Variants in FGF13 observed in about 807,000 individuals in gnomAD.
The protein encoded by FGF13 is fibroblast growth factor 13, also known as fibroblast growth factor homologous factor 2.
In FGF13, 2 loss-of-function variants were observed where a neutral mutation model predicts 19.5. The observed-to-expected ratio is 0.10, with a 90% CI of 0.04 to 0.32. The LOEUF (loss-of-function observed/expected upper bound fraction) is 0.32. Among genes scored for constraint, FGF13 ranks in the 10% least tolerant of loss-of-function variants. FGF13 has a pLI of 1.00. For missense variants in FGF13, 113 were observed against 192.7 expected, an observed-to-expected ratio of 0.59 and a Z score of 2.45; for synonymous variants, 72 against 76.9, an observed-to-expected ratio of 0.94 and a Z score of 0.33.
At chrX:138,946,238 C>T (rs905691069) in intron 1 of FGF13, among the ~76,000 whole-genome samples, 1 of 111,530 alleles carries the variant, frequency 9.0e-6, no homozygotes, top group Non-Finnish European at 1.9e-5. Context: ...AATGGGGGCT[C>T]TTTGTTAGGA....
At chrX:139,175,010 G>A (rs1442672907) in intron 1 of FGF13, among the ~76,000 whole-genome samples, 5 of 111,886 alleles carry the variant, frequency 4.5e-5, no homozygotes, top group African/African-American at 1.6e-4. Context: ...TCATGATATT[G>A]TTTCTTCCTA....
intron 1 of FGF13, among the ~76,000 whole-genome samples, chrX:138,870,194 TC>T (rs1414004542): frequency 2.7e-5 from 3 of 112,094 alleles, no homozygotes; most frequent in Non-Finnish European, 5.6e-5. Flanking sequence ...AAAGGCAATG[TC>T]CTCCACATTG....
chrX:138,641,530 G>A (rs1005564977), intron 3 of FGF13, among the ~76,000 whole-genome samples: 4 of 112,188 alleles, frequency 3.6e-5, no homozygotes, highest in Non-Finnish European at 7.5e-5. Flanking sequence ...AAATTAATAT[G>A]CAGATTAAAA....
At chrX:138,860,673 T>C (rs2091283853) in intron 2 of FGF13, among the ~76,000 whole-genome samples, 1 of 111,922 alleles carries the variant, frequency 8.9e-6, no homozygotes, top group Non-Finnish European at 1.9e-5. Context: ...AGGTAGACAT[T>C]AGATTTATAC....
chrX:138,939,977 T>G (rs1366684342), intron 1 of FGF13, among the ~76,000 whole-genome samples: 1 of 112,072 alleles, frequency 8.9e-6, no homozygotes, highest in Non-Finnish European at 1.9e-5. Flanking sequence ...TGTTTTAAGT[T>G]CTTTGAGACA....
intron 1 of FGF13, among the ~76,000 whole-genome samples, chrX:138,709,868 C>T (rs2090025383): frequency 8.9e-6 from 1 of 111,954 alleles, no homozygotes; most frequent in Non-Finnish European, 1.9e-5. Context: ...AAACTTTGTG[C>T]AAACAGAAAA....
chrX:138,796,869 G>C (rs1367530050), intron 3 of FGF13, among the ~76,000 whole-genome samples: 4 of 111,942 alleles, frequency 3.6e-5, no homozygotes, highest in Admixed American at 9.4e-5. Flanking sequence ...TTTGAGAATT[G>C]TCTGTTCATT....
At chrX:138,884,093 T>A (rs192054848) in intron 1 of FGF13, among the ~76,000 whole-genome samples, 1 of 111,856 alleles carries the variant, frequency 8.9e-6, no homozygotes, top group East Asian at 2.8e-4. Context: ...CTCCATTTCC[T>A]AATTCACAGG....
chrX:139,121,652 C>T (rs1465849779), intron 1 of FGF13, among the ~76,000 whole-genome samples: 1 of 111,095 alleles, frequency 9.0e-6, no homozygotes, highest in Non-Finnish European at 1.9e-5. Flanking sequence ...CTTGGCCTAC[C>T]AAAGTGCTAG....
intron 1 of FGF13, among the ~76,000 whole-genome samples, chrX:139,023,094 T>G (rs932316287): frequency 2.7e-4 from 30 of 110,941 alleles, no homozygotes; most frequent in Non-Finnish European, 5.1e-4. Context: ...TATAATAACT[T>G]TGTAAACTCC....
chrX:138,764,861 C>T (rs1332105483), intron 3 of FGF13, among the ~76,000 whole-genome samples: 1 of 112,231 alleles, frequency 8.9e-6, no homozygotes, highest in East Asian at 2.8e-4. Flanking sequence ...TGCATATAAA[C>T]ATGCCTTCTT....
chrX:138,809,740 G>C (rs929736867), intron 3 of FGF13, among the ~76,000 whole-genome samples: 7 of 111,730 alleles, frequency 6.3e-5, no homozygotes, highest in South Asian at 7.5e-4. Context: ...GCAACTTCAG[G>C]AAAGTCTCAG....
Position 138,631,292 on chromosome X carries a change from G to GA in FGF13, c.*1557dup, listed in dbSNP as rs1265227516. 8.9e-6 allele frequency: 1 copy of GA among 112,269 alleles called. No individual in the cohort carries two copies. The highest frequency in any genetic ancestry group is 1.9e-5 in the Non-Finnish European group (1 of 53,295). The allele number at this position is 112,269 out of a possible 1,213,427, so 9.3% of individuals were successfully genotyped here. On this transcript the variant is annotated 3_prime_UTR_variant, in exon 5 of 5. Transcript: ENST00000315930. ...GGAGAGAAATAAGCAACAGAGAGGG[G>GA]AAATGACACTGTGAGTGGCAGAGAA... is the stretch of plus-strand genomic sequence containing the variant.
Position 139,036,270 on chromosome X carries a change from G to C in FGF13, c.-113+167146C>G, listed in dbSNP as rs758518883. 4.5e-5 allele frequency among the ~76,000 whole-genome samples: 5 copies of C among 111,256 alleles called. No homozygotes were observed. In the South Asian group the frequency reaches 1.9e-3, roughly 42 times the overall value. Reference sequence around the variant, plus strand: ...GCTGTCATATATATGATATTCTGCTGCTTCTCACAGCCAGCTTGTGCTTGG... The same window carrying C: ...GCTGTCATATATATGATATTCTGCTCCTTCTCACAGCCAGCTTGTGCTTGG... On this transcript the variant is annotated intron_variant, in intron 1 of 2. Coordinates refer to the FGF13 transcript ENST00000421460.
chrX:138,708,012 A>C lies in FGF13; in HGVS notation c.298+806T>G, dbSNP rs752318855. Among the ~76,000 whole-genome samples, 72 of 112,485 alleles carry C rather than the reference A, an allele frequency of 6.4e-4. 1 individual carries two copies. Among genetic ancestry groups the C allele is most frequent in the Non-Finnish European group, 2.6e-4 (14 of 53,337 alleles). ...TCAGTAGAAATTGGAGAAAACAAAA[A>C]AAATTGTGAGAACTAAGTGTTTTAG... On this transcript the variant is annotated intron_variant, in intron 2 of 4. Coordinates refer to ENST00000315930, the MANE Select transcript of FGF13 (RefSeq NM_004114.5).
chrX:138,643,348 C>T (rs915194579), intron 3 of FGF13, among the ~76,000 whole-genome samples: 1 of 112,439 alleles, frequency 8.9e-6, no homozygotes, highest in African/African-American at 3.2e-5. Flanking sequence ...CAAACAAATA[C>T]AATACATCCC....
intron 1 of FGF13, among the ~76,000 whole-genome samples, chrX:139,012,058 G>A (rs1332221046): frequency 9.0e-6 from 1 of 111,223 alleles, no homozygotes; most frequent in African/African-American, 3.3e-5. Flanking sequence ...TGGCCAAGCT[G>A]AGAATCAACT....
chrX:138,891,357 C>T (rs981473625), intron 1 of FGF13, among the ~76,000 whole-genome samples: 6 of 111,412 alleles, frequency 5.4e-5, no homozygotes, highest in Admixed American at 2.9e-4. Context: ...TCAGCATGTT[C>T]GGCTTCTGGT....
downstream of FGF13, among the ~76,000 whole-genome samples, chrX:138,856,786 T>C (rs748577889): frequency 2.7e-5 from 3 of 112,238 alleles, no homozygotes; most frequent in African/African-American, 9.7e-5. Context: ...TTCTCTTTGA[T>C]AGATGCAAAA....
Sources: gnomAD v4.1 joint callset for allele counts (sites outside exome capture counted in the v4.1 genomes callset) on GRCh38, gnomAD v4.1.1 for gene constraint, MANE v1.5 for transcripts, NCBI Gene and HGNC (gene_info 2026-07-23, HGNC 2026-07-21) for gene names.